SPON2: variants seen among roughly 807,000 people sequenced by gnomAD.
The protein encoded by SPON2 is spondin 2.
In SPON2, 32 loss-of-function variants were observed where a neutral mutation model predicts 29.9. The ratio of observed to expected loss-of-function variants is 1.07; its 90% CI spans 0.81 to 1.44. The LOEUF (loss-of-function observed/expected upper bound fraction) is 1.44, where lower values mean the gene tolerates loss of function less well. Ranked by LOEUF, SPON2 falls within the 40% of genes most tolerant of loss-of-function variation. SPON2 has a pLI of 0.00. For synonymous variants in SPON2, 248 were observed against 209.1 expected, an observed-to-expected ratio of 1.19 and a Z score of -1.61; for missense variants, 541 against 455.5, an observed-to-expected ratio of 1.19 and a Z score of -1.71.
chr4:1,198,677 A>T (rs556496118), upstream of SPON2, among the ~76,000 whole-genome samples: 2 of 152,192 alleles, frequency 1.3e-5, no homozygotes, highest in South Asian at 4.2e-4. Flanking sequence ...CGTCGGCAGC[A>T]TCGTGTTATG....
chr4:1,175,962 C>G (rs57759896), upstream of SPON2, among the ~76,000 whole-genome samples: 1 of 152,124 alleles, frequency 6.6e-6, no homozygotes, highest in African/African-American at 2.4e-5. Context: ...TCCAAAAGCA[C>G]GCCTGCGAAG....
intron 1 of SPON2, among the ~76,000 whole-genome samples, chr4:1,204,134 A>G (rs1005889686): frequency 1.4e-4 from 21 of 152,122 alleles, no homozygotes; most frequent in Admixed American, 7.9e-4. Context: ...GGCCTCCCAA[A>G]GTGCTGGGAT....
chr4:1,167,379 C>G lies in SPON2; in HGVS notation c.*93G>C. The G allele has an allele frequency of 7.4e-7, 1 of 1,347,962 alleles. No homozygotes were observed. The highest frequency in any genetic ancestry group is 1.4e-5 in the South Asian group (1 of 72,242). The allele number at this position is 1,347,962 out of a possible 1,614,324, so 83.5% of individuals were successfully genotyped here. ...CGCGGTCAGGAGCAGCGCGAAACCC[C>G]CTGTGCCCTCGGCCGCCTGCAGCAT... On this transcript the variant is annotated 3_prime_UTR_variant, in exon 6 of 6. Coordinates refer to ENST00000290902, the MANE Select transcript of SPON2 (RefSeq NM_012445.4).
At chr4:1,168,722 CAGTG>C (rs1727326310) in intron 5 of SPON2, among the ~76,000 whole-genome samples, 1 of 152,240 alleles carries the variant, frequency 6.6e-6, no homozygotes, top group African/African-American at 2.4e-5. Context: ...AATGAGGAGT[CAGTG>C]AGCACTGGCA....
At chr4:1,180,805 A>G (rs1164596026) in intron 1 of SPON2, among the ~76,000 whole-genome samples, 1 of 152,214 alleles carries the variant, frequency 6.6e-6, no homozygotes, top group Non-Finnish European at 1.5e-5. Flanking sequence ...TAAGTAAAAA[A>G]GGAAATAGGT....
At chr4:1,196,071 C>G (rs903894283), upstream of SPON2, among the ~76,000 whole-genome samples, 5 of 152,208 alleles carry the variant, frequency 3.3e-5, no homozygotes, top group African/African-American at 1.2e-4. Context: ...CCAGGACCGC[C>G]CCCTCTGGCT....
At chr4:1,183,398 A>C (rs1401373240) in intron 1 of SPON2, among the ~76,000 whole-genome samples, 1 of 152,230 alleles carries the variant, frequency 6.6e-6, no homozygotes, top group Non-Finnish European at 1.5e-5. Flanking sequence ...ACTTGAAGCT[A>C]TATAAAGAAA....
In SPON2 at chr4:1,186,114, G is replaced by A. The variant is rs190817369; in HGVS notation, c.-238-6573C>T. Among the ~76,000 whole-genome samples the A allele has an allele frequency of 6.0e-3, 903 of 150,450 alleles. 11 individuals are homozygous for A. The highest frequency in any genetic ancestry group is 0.021 in the African/African-American group (862 of 41,204). ...AAAAAATTAGCCGGGCGTGGTGGTG[G>A]GCGCCTGTAGTCCCAGCTACTCAGG... On this transcript the variant is annotated intron_variant, in intron 1 of 3. Transcript: ENST00000502483.
At chr4:1,178,481 C>T (rs553433820) in intron 2 of SPON2, among the ~76,000 whole-genome samples, 1 of 152,256 alleles carries the variant, frequency 6.6e-6, no homozygotes, top group South Asian at 2.1e-4. Context: ...CTCCTCTGTC[C>T]CTCCTCTTCA....
At chr4:1,194,982 GGCC>G (rs1728020371) in intron 1 of SPON2, 1 of 149,460 alleles carries the variant, frequency 6.7e-6, no homozygotes, top group African/African-American at 2.5e-5. Flanking sequence ...CGCAGCCGGC[GGCC>G]TCACCTCACA....
chr4:1,184,905 C>T (rs1727763775), intron 1 of SPON2, among the ~76,000 whole-genome samples: 1 of 149,360 alleles, frequency 6.7e-6, no homozygotes, highest in Middle Eastern at 3.5e-3. Flanking sequence ...CCACTGCACT[C>T]CAGCTTGGGC....
intron 5 of SPON2, among the ~76,000 whole-genome samples, chr4:1,169,167 C>A (rs992341374): frequency 3.3e-5 from 5 of 152,044 alleles, no homozygotes; most frequent in Admixed American, 2.6e-4. Flanking sequence ...CATGTGCTCC[C>A]CTGCCCACTG....
rs1003340774 is a variant in SPON2, at chr4:1,202,639, C to T, written c.-234+5241G>A. Among the ~76,000 whole-genome samples the T allele has an allele frequency of 1.3e-5, 2 of 151,988 alleles. No homozygotes were observed. The highest frequency in any genetic ancestry group is 2.4e-5 in the African/African-American group (1 of 41,380). ...GCCGCTCTCCCAGGCTGTGCTTGCTCGCTGGTGGCCCTGCAGTCCTGGGGT... is the reference window on the plus strand; with the variant it reads ...GCCGCTCTCCCAGGCTGTGCTTGCTTGCTGGTGGCCCTGCAGTCCTGGGGT... On this transcript the variant is annotated intron_variant, in intron 1 of 3. Transcript: ENST00000509233. This position sits in a 1 kb window ranked among gnomAD's most constrained non-coding sequence, Gnocchi z 5.4.
At chr4:1,205,315 G>T (rs545477738) in intron 1 of SPON2, among the ~76,000 whole-genome samples, 1 of 152,336 alleles carries the variant, frequency 6.6e-6, no homozygotes, top group Admixed American at 6.5e-5. Context: ...GCTGGCTGAG[G>T]CCCGATGCCT....
At chr4:1,194,368 C>A (rs989403785) in intron 1 of SPON2, among the ~76,000 whole-genome samples, 3 of 152,182 alleles carry the variant, frequency 2.0e-5, no homozygotes, top group African/African-American at 7.2e-5. Context: ...AGGAGCCGAG[C>A]CCCAGGGTGG....
intron 1 of SPON2, among the ~76,000 whole-genome samples, chr4:1,191,354 C>T (rs1288927090): frequency 1.3e-5 from 2 of 152,200 alleles, no homozygotes; most frequent in Non-Finnish European, 2.9e-5. Context: ...AAGTCACTCA[C>T]TTGAGGAGAG....
At chr4:1,168,390 C>T (rs942749151) in intron 5 of SPON2, among the ~76,000 whole-genome samples, 6 of 152,228 alleles carry the variant, frequency 3.9e-5, no homozygotes, top group Non-Finnish European at 5.9e-5. Context: ...CCTCACAAAT[C>T]TGCGAGTACC....
intron 1 of SPON2, chr4:1,204,967 C>T (rs1728303628): frequency 6.6e-6 from 1 of 152,292 alleles, no homozygotes; most frequent in South Asian, 2.1e-4. Flanking sequence ...TGCACAGCCA[C>T]CCTCCGAAAC....
chr4:1,205,403 C>T (rs571409372), intron 1 of SPON2, among the ~76,000 whole-genome samples: 114 of 152,326 alleles, frequency 7.5e-4, no homozygotes, highest in African/African-American at 2.5e-3. Context: ...CCCTGCCCCT[C>T]GGTTTCCATG....
Sources: allele counts gnomAD v4.1 joint callset (sites outside exome capture counted in the v4.1 genomes callset), GRCh38; gene constraint gnomAD v4.1.1; non-coding constraint Gnocchi (gnomAD v3.1); transcripts MANE v1.5; gene names NCBI Gene and HGNC (gene_info 2026-07-23, HGNC 2026-07-21).